CSMD1: variants seen among roughly 807,000 people sequenced by gnomAD.
The protein encoded by CSMD1 is CUB and Sushi multiple domains 1.
Under a neutral mutation model 417.5 loss-of-function variants are expected in CSMD1, and 213 were observed. The ratio of observed to expected loss-of-function variants is 0.51; its 90% CI spans 0.46 to 0.57. The LOEUF is 0.57. Ranked by LOEUF, CSMD1 falls within the 20% of genes least tolerant of loss-of-function variation. The probability of loss-of-function intolerance (pLI) is 0.00; values close to 1 mark genes in which losing one functional copy is unlikely to be tolerated. For missense variants in CSMD1, 6,923 were observed against 4,529.7 expected (o/e 1.53, Z -15.17); for synonymous variants, 2,862 against 1,736.8 (o/e 1.65, Z -16.11).
intron 2 of CSMD1, among the ~76,000 whole-genome samples, chr8:4,554,493 C>A (rs970049616): frequency 1.3e-5 from 2 of 152,126 alleles, no homozygotes; most frequent in Non-Finnish European, 2.9e-5. Flanking sequence ...GAATCTGGAA[C>A]AAATTTCCTG....
intron 9 of CSMD1, among the ~76,000 whole-genome samples, chr8:3,577,837 T>G (rs892195488): frequency 6.6e-6 from 1 of 152,180 alleles, no homozygotes; most frequent in Non-Finnish European, 1.5e-5. Flanking sequence ...ATTGCCTCCT[T>G]GCATCTAGGG....
At chr8:4,182,953 C>T (rs932499418) in intron 3 of CSMD1, among the ~76,000 whole-genome samples, 3 of 151,706 alleles carry the variant, frequency 2.0e-5, no homozygotes, top group Non-Finnish European at 4.4e-5. Flanking sequence ...AAGATAATGG[C>T]CAATAAAGAA....
At chr8:4,463,526 TG>T (rs1432260098) in intron 2 of CSMD1, among the ~76,000 whole-genome samples, 1 of 152,064 alleles carries the variant, frequency 6.6e-6, no homozygotes, top group Non-Finnish European at 1.5e-5. Context: ...AGTCAACCGA[TG>T]AAAAAACATG....
chr8:2,977,476 C>A (rs964896547), intron 55 of CSMD1, among the ~76,000 whole-genome samples: 1 of 152,156 alleles, frequency 6.6e-6, no homozygotes, highest in Admixed American at 6.5e-5. Flanking sequence ...TGTGTATGTA[C>A]CACGTTTTCT....
At chr8:3,366,291 G>C (rs1809562376) in intron 20 of CSMD1, among the ~76,000 whole-genome samples, 1 of 152,100 alleles carries the variant, frequency 6.6e-6, no homozygotes, top group South Asian at 2.1e-4. Context: ...TTCTCAGTGT[G>C]ACCTGTTCAC....
At chr8:3,862,418 T>C (rs1391030078) in intron 5 of CSMD1, among the ~76,000 whole-genome samples, 1 of 152,216 alleles carries the variant, frequency 6.6e-6, no homozygotes, top group African/African-American at 2.4e-5. Context: ...CTCACTTGTC[T>C]TTCATTACAT....
At chr8:4,814,282 A>G (rs1799077641) in intron 1 of CSMD1, among the ~76,000 whole-genome samples, 1 of 151,910 alleles carries the variant, frequency 6.6e-6, no homozygotes, top group African/African-American at 2.4e-5. Flanking sequence ...ATTCGCTCTT[A>G]ATGGCCAGGC....
At chr8:3,084,604 T>C (rs72621192) in intron 49 of CSMD1, among the ~76,000 whole-genome samples, 37,184 of 151,302 alleles carry the variant, frequency 0.25, 4,929 homozygotes, top group East Asian at 0.35. Context: ...ATAAAATCTC[T>C]CTTTGTTGCA....
At chr8:4,829,099 G>A (rs1177512891) in intron 1 of CSMD1, among the ~76,000 whole-genome samples, 2 of 152,112 alleles carry the variant, frequency 1.3e-5, no homozygotes, top group East Asian at 1.9e-4. Context: ...ACAAAGAGGT[G>A]GCTAATGGTT....
chr8:3,674,389 T>G (rs1187851776), intron 7 of CSMD1, among the ~76,000 whole-genome samples: 4 of 152,128 alleles, frequency 2.6e-5, no homozygotes, highest in Non-Finnish European at 5.9e-5. Flanking sequence ...AAGCCATAAT[T>G]TCCTAAGCAT....
chr8:4,123,161 G>A (rs756977828), intron 3 of CSMD1, among the ~76,000 whole-genome samples: 1 of 152,240 alleles, frequency 6.6e-6, no homozygotes, highest in African/African-American at 2.4e-5. Context: ...AGTCCATGCT[G>A]AGATGTTTTT....
At chr8:3,001,876 G>A in intron 52 of CSMD1, among the ~76,000 whole-genome samples, 1 of 151,942 alleles carries the variant, frequency 6.6e-6, no homozygotes, top group Non-Finnish European at 1.5e-5. Context: ...TACTCCTTTG[G>A]GATTAAGTAT....
chr8:3,620,041 G>T (rs1418750017), intron 7 of CSMD1, among the ~76,000 whole-genome samples: 2 of 152,136 alleles, frequency 1.3e-5, no homozygotes, highest in Non-Finnish European at 2.9e-5. Flanking sequence ...GGCAGATGTT[G>T]CAGTGAGCTG....
intron 30 of CSMD1, among the ~76,000 whole-genome samples, chr8:3,213,538 G>C (rs1797727874): frequency 6.6e-6 from 1 of 151,960 alleles, no homozygotes. Context: ...CTTGAAAGCT[G>C]ATTCAACGAT....
intron 5 of CSMD1, among the ~76,000 whole-genome samples, chr8:3,878,060 T>G (rs933065376): frequency 1.3e-5 from 2 of 152,144 alleles, no homozygotes; most frequent in Non-Finnish European, 2.9e-5. Flanking sequence ...ATATTCATGC[T>G]GGGTGGTCAT....
chr8:4,829,221 G>C (rs1049466242), intron 1 of CSMD1, among the ~76,000 whole-genome samples: 4 of 152,104 alleles, frequency 2.6e-5, no homozygotes, highest in Non-Finnish European at 4.4e-5. Context: ...AAGTTGTTTA[G>C]ATGAGAATTT....
intron 1 of CSMD1, among the ~76,000 whole-genome samples, chr8:4,793,566 T>C (rs987400553): frequency 2.0e-5 from 3 of 152,016 alleles, no homozygotes; most frequent in African/African-American, 4.8e-5. Context: ...TTCTATCATT[T>C]ACTGATACAA....
intron 3 of CSMD1, among the ~76,000 whole-genome samples, chr8:4,232,204 ATTTATT>A (rs1340135155): frequency 2.0e-5 from 3 of 152,014 alleles, no homozygotes; most frequent in African/African-American, 7.2e-5. Flanking sequence ...ATTTGTTTTT[ATTTATT>A]TTTAAGACAG....
chr8:4,154,447 G>T (rs540431821), intron 3 of CSMD1, among the ~76,000 whole-genome samples: 2 of 152,220 alleles, frequency 1.3e-5, no homozygotes, highest in South Asian at 4.2e-4. Flanking sequence ...TCAAAGAGCT[G>T]AAAATCAATG....
Sources: allele counts gnomAD v4.1 joint callset (sites outside exome capture counted in the v4.1 genomes callset), GRCh38; gene constraint gnomAD v4.1.1; transcripts MANE v1.5; gene names NCBI Gene and HGNC (gene_info 2026-07-23, HGNC 2026-07-21).